The following ALMS1 variants were observed in gnomAD, a reference collection of about 807,000 sequenced individuals.
The protein encoded by ALMS1 is centrosome-associated protein ALMS1.
A neutral mutation model predicts 352.2 loss-of-function variants in ALMS1; 271 were observed. The observed-to-expected ratio is 0.77, with a 90% CI of 0.70 to 0.85. The LOEUF is 0.85. ALMS1 is among the 40% of genes least tolerant of loss of function. The pLI, the probability that ALMS1 is intolerant of heterozygous loss-of-function variation, is 0.00. For missense variants in ALMS1, 5,445 were observed against 4,870.7 expected (o/e 1.12, Z -3.51); for synonymous variants, 1,865 against 1,761.2 (o/e 1.06, Z -1.48).
intron 9 of ALMS1, among the ~76,000 whole-genome samples, chr2:73,477,983 G>A (rs939846610): frequency 6.6e-6 from 1 of 152,144 alleles, no homozygotes; most frequent in Non-Finnish European, 1.5e-5. Flanking sequence ...CTGGCAATAT[G>A]TAACATCCAA....
intron 1 of ALMS1, among the ~76,000 whole-genome samples, chr2:73,402,734 T>G (rs1192534609): frequency 6.6e-6 from 1 of 152,230 alleles, no homozygotes; most frequent in East Asian, 1.9e-4. Context: ...AAGTGTGAGA[T>G]GATATTTCAT....
Position 73,601,450 on chromosome 2 carries a change from G to A in ALMS1, c.12114+14G>A, listed in dbSNP as rs1057524070. Reference sequence around the variant, plus strand: ...GCAACCCTTCAGGTGCAGTGACGTTGACTTAACTTTAATGCTACGTGTAGG... The same window carrying A: ...GCAACCCTTCAGGTGCAGTGACGTTAACTTAACTTTAATGCTACGTGTAGG... On this transcript the variant is annotated intron_variant, in intron 19 of 22. Coordinates refer to ENST00000613296, the MANE Select transcript of ALMS1 (RefSeq NM_001378454.1). The A allele has an allele frequency of 1.9e-6, 3 of 1,613,548 alleles. No homozygotes were observed.
intron 10 of ALMS1, among the ~76,000 whole-genome samples, chr2:73,498,999 A>G (rs1673166797): frequency 6.6e-6 from 1 of 152,154 alleles, no homozygotes; most frequent in East Asian, 1.9e-4. Context: ...CTCAGTTTTT[A>G]GTTTTTTTAA....
chr2:73,453,771 C>G lies in ALMS1; in HGVS notation c.7244C>G (p.Ser2415Ter), dbSNP rs1060500039. Residue 2415 changes from serine (S) to a stop codon, truncating the protein, a stop_gained, in exon 8 of 23, where the codon TCA becomes TGA. Coordinates refer to ENST00000613296, the MANE Select transcript of ALMS1 (RefSeq NM_001378454.1). LOFTEE classifies it high-confidence loss of function. ...ATGATGACTGTCATAAAAAGTGATT[C>G]AAGTAGTGATGCCAGTGATGGAAAT... ...IPMMTVIKSD[S>*]SSDASDGNGS... 1.2e-6 allele frequency: 2 copies of G among 1,614,058 alleles called. No individual in the cohort carries two copies. The highest frequency in any genetic ancestry group is 2.2e-5 in the South Asian group (2 of 91,070).
chr2:73,555,475 AT>A (rs1279251052), intron 13 of ALMS1, among the ~76,000 whole-genome samples: 29 of 152,222 alleles, frequency 1.9e-4, no homozygotes, highest in African/African-American at 5.3e-4. Flanking sequence ...TATACCAGGC[AT>A]ATTAAAAGTA....
At chr2:73,433,743 G>C (rs1446192690) in intron 7 of ALMS1, among the ~76,000 whole-genome samples, 1 of 152,092 alleles carries the variant, frequency 6.6e-6, no homozygotes, top group Non-Finnish European at 1.5e-5. Context: ...AACTACCTGG[G>C]CTGTTCTTTG....
chr2:73,585,894 A>G (rs917078956), intron 16 of ALMS1, among the ~76,000 whole-genome samples: 1 of 151,800 alleles, frequency 6.6e-6, no homozygotes, highest in African/African-American at 2.4e-5. Flanking sequence ...ACGCCTGGCC[A>G]ATTTTTTGTA....
At chr2:73,524,366 A>G (rs1170388972) in intron 11 of ALMS1, among the ~76,000 whole-genome samples, 4 of 152,206 alleles carry the variant, frequency 2.6e-5, no homozygotes, top group Admixed American at 1.3e-4. Flanking sequence ...TAATAATCCC[A>G]TCAAGGTAAA....
chr2:73,386,070 A>G lies in ALMS1; in HGVS notation c.202A>G (p.Ile68Val). The G allele has an allele frequency of 6.3e-7, 1 of 1,595,456 alleles. No homozygotes were observed. Among genetic ancestry groups the G allele is most frequent in the African/African-American group, 1.3e-5 (1 of 74,546 alleles). Residue 68 changes from isoleucine (I) to valine (V), a missense_variant, in exon 1 of 23, where the codon ATA becomes GTA. By Grantham distance (29) the Ile-to-Val change is conservative. Transcript: ENST00000613296. Reference protein sequence around the residue: ...SHYGPQHLESIDDEEDEEAKA... With the variant: ...SHYGPQHLESVDDEEDEEAKA... Reference sequence around the variant, plus strand: ...CTACGGGCCCCAGCATCTGGAAAGTATAGACGACGAGGAGGACGAGGAGGC... The same window carrying G: ...CTACGGGCCCCAGCATCTGGAAAGTGTAGACGACGAGGAGGACGAGGAGGC...
chr2:73,607,218 T>C (rs1486426161), intron 21 of ALMS1, among the ~76,000 whole-genome samples: 2 of 152,262 alleles, frequency 1.3e-5, no homozygotes, highest in East Asian at 1.9e-4. Flanking sequence ...CTTTATTTTA[T>C]TCAACATTAT....
chr2:73,607,655 T>C (rs1330010842), intron 21 of ALMS1, among the ~76,000 whole-genome samples: 4 of 152,008 alleles, frequency 2.6e-5, no homozygotes, highest in Non-Finnish European at 4.4e-5. Context: ...ATTATTATTA[T>C]TTTTGAGATG....
At chr2:73,525,065 A>G (rs1673761024) in intron 11 of ALMS1, among the ~76,000 whole-genome samples, 2 of 152,188 alleles carry the variant, frequency 1.3e-5, no homozygotes, top group Admixed American at 1.3e-4. Context: ...TGCAAATGAC[A>G]GGATCTCATT....
chr2:73,409,894 G>A (rs1214385760), intron 2 of ALMS1, among the ~76,000 whole-genome samples: 1 of 152,176 alleles, frequency 6.6e-6, no homozygotes, highest in Non-Finnish European at 1.5e-5. Flanking sequence ...AGAACCAGGA[G>A]CACCAGTGAT....
intron 10 of ALMS1, among the ~76,000 whole-genome samples, chr2:73,500,321 G>T (rs1673194309): frequency 6.6e-6 from 1 of 152,294 alleles, no homozygotes; most frequent in South Asian, 2.1e-4. Context: ...GTTCACATCT[G>T]TTGTCTGTGT....
chr2:73,461,439 AC>A (rs1395082346), intron 9 of ALMS1, among the ~76,000 whole-genome samples: 1 of 152,224 alleles, frequency 6.6e-6, no homozygotes, highest in Non-Finnish European at 1.5e-5. Context: ...GGACATCCAC[AC>A]CAAAAACCCA....
At chr2:73,464,808 A>G (rs1036834914) in intron 9 of ALMS1, among the ~76,000 whole-genome samples, 1 of 152,242 alleles carries the variant, frequency 6.6e-6, no homozygotes, top group Non-Finnish European at 1.5e-5. Flanking sequence ...AACAGCAGAC[A>G]AAGAGCGAGC....
At chr2:73,551,671 G>T (rs143985126) in intron 13 of ALMS1, among the ~76,000 whole-genome samples, 5 of 151,704 alleles carry the variant, frequency 3.3e-5, no homozygotes, top group African/African-American at 4.8e-5. Flanking sequence ...CCAGACCTCA[G>T]ATGATCTGCC....
At chr2:73,530,263 C>T (rs1673881284) in intron 11 of ALMS1, among the ~76,000 whole-genome samples, 1 of 152,192 alleles carries the variant, frequency 6.6e-6, no homozygotes, top group Admixed American at 6.5e-5. Context: ...TTCCAAGATA[C>T]AGTGGGGGTA....
intron 13 of ALMS1, among the ~76,000 whole-genome samples, chr2:73,552,242 G>T (rs1039357853): frequency 6.6e-6 from 1 of 152,108 alleles, no homozygotes; most frequent in African/African-American, 2.4e-5. Context: ...ACACAGTGAA[G>T]TCTTTTTATA....
Sources: allele counts gnomAD v4.1 joint callset (sites outside exome capture counted in the v4.1 genomes callset), GRCh38; gene constraint gnomAD v4.1.1; transcripts MANE v1.5; gene names NCBI Gene and HGNC (gene_info 2026-07-23, HGNC 2026-07-21).